The following DYNC1I1 variants were observed in gnomAD, a reference collection of about 807,000 sequenced individuals.
DYNC1I1 encodes cytoplasmic dynein 1 intermediate chain 1.
A neutral mutation model predicts 86.6 loss-of-function variants in DYNC1I1; 43 were observed. That is an observed-to-expected ratio of 0.50 (90% CI 0.39 to 0.64). The LOEUF (loss-of-function observed/expected upper bound fraction) is 0.64, where lower values mean the gene tolerates loss of function less well. Ranked by LOEUF, DYNC1I1 falls within the 30% of genes least tolerant of loss-of-function variation. The pLI is 0.00. For missense variants in DYNC1I1, 604 were observed against 788.8 expected (o/e 0.77, Z 2.81); for synonymous variants, 262 against 283.7 (o/e 0.92, Z 0.77).
At chr7:95,807,700 G>A (rs888824072) in intron 2 of DYNC1I1, among the ~76,000 whole-genome samples, 2 of 152,078 alleles carry the variant, frequency 1.3e-5, no homozygotes, top group Non-Finnish European at 2.9e-5. Context: ...TCACCTGGCT[G>A]TTAACTGCAT....
At chr7:95,847,724 GTC>G (rs1349785250) in intron 5 of DYNC1I1, among the ~76,000 whole-genome samples, 1 of 151,984 alleles carries the variant, frequency 6.6e-6, no homozygotes, top group Non-Finnish European at 1.5e-5. Context: ...TGAAAACCTT[GTC>G]TCTCAGACAT....
chr7:95,959,262 A>G (rs1792800544), intron 6 of DYNC1I1, among the ~76,000 whole-genome samples: 2 of 152,124 alleles, frequency 1.3e-5, no homozygotes, highest in African/African-American at 4.8e-5. Flanking sequence ...GGCACAGTGG[A>G]GATGCAATGG....
At chr7:95,824,271 G>T (rs1795156584) in intron 4 of DYNC1I1, among the ~76,000 whole-genome samples, 1 of 151,928 alleles carries the variant, frequency 6.6e-6, no homozygotes, top group Non-Finnish European at 1.5e-5. Flanking sequence ...GGGCTTACAG[G>T]CATGAGTTAC....
chr7:96,003,606 G>T (rs1032978939), intron 10 of DYNC1I1, among the ~76,000 whole-genome samples: 2 of 151,986 alleles, frequency 1.3e-5, no homozygotes, highest in African/African-American at 4.8e-5. Flanking sequence ...ATACCAGGTG[G>T]TCTGAAAGGA....
At chr7:95,980,283 G>A (rs1041063583) in intron 7 of DYNC1I1, among the ~76,000 whole-genome samples, 7 of 149,486 alleles carry the variant, frequency 4.7e-5, no homozygotes, top group Admixed American at 6.7e-5. Context: ...TTAAAAGGAT[G>A]TTTATGTTGG....
At chr7:95,900,904 G>A (rs368112454) in intron 6 of DYNC1I1, among the ~76,000 whole-genome samples, 3 of 152,136 alleles carry the variant, frequency 2.0e-5, no homozygotes, top group African/African-American at 7.2e-5. Flanking sequence ...TAAGTTGAGT[G>A]TATTTAATGA....
At chr7:95,878,572 A>G (rs1015012910) in intron 6 of DYNC1I1, among the ~76,000 whole-genome samples, 4 of 152,176 alleles carry the variant, frequency 2.6e-5, no homozygotes, top group Admixed American at 2.0e-4. Context: ...AAACTAAGAG[A>G]TCCTCAGAGA....
intron 3 of DYNC1I1, among the ~76,000 whole-genome samples, chr7:95,812,717 G>T (rs1794856570): frequency 6.6e-6 from 1 of 152,120 alleles, no homozygotes; most frequent in Non-Finnish European, 1.5e-5. Context: ...GGCTCTCATG[G>T]CAAACAGCTT....
chr7:96,016,836 A>G (rs540624168), intron 10 of DYNC1I1, among the ~76,000 whole-genome samples: 2 of 152,284 alleles, frequency 1.3e-5, no homozygotes, highest in African/African-American at 4.8e-5. Context: ...AATAAAAATA[A>G]ATTTAATTTG....
chr7:95,857,699 T>C (rs1424786414), intron 5 of DYNC1I1, among the ~76,000 whole-genome samples: 1 of 152,232 alleles, frequency 6.6e-6, no homozygotes, highest in Non-Finnish European at 1.5e-5. Flanking sequence ...TTTCAGGCAT[T>C]GTTTCCACCA....
At chr7:95,911,964 A>C (rs1212414733) in intron 6 of DYNC1I1, among the ~76,000 whole-genome samples, 2 of 152,158 alleles carry the variant, frequency 1.3e-5, no homozygotes, top group African/African-American at 4.8e-5. Context: ...ATTCCCAAGC[A>C]CTCAAATTTG....
chr7:95,790,680 A>C (rs1399728095), intron 1 of DYNC1I1, among the ~76,000 whole-genome samples: 1 of 152,244 alleles, frequency 6.6e-6, no homozygotes, highest in Non-Finnish European at 1.5e-5. Flanking sequence ...GAAAGAATAC[A>C]AGATAAGTAG....
chr7:96,037,350 T>C (rs1045072365), intron 13 of DYNC1I1, among the ~76,000 whole-genome samples: 4 of 152,184 alleles, frequency 2.6e-5, no homozygotes, highest in Non-Finnish European at 5.9e-5. Context: ...GCAAAGTGCA[T>C]TGTTAGGTTC....
At chr7:95,876,071 C>G (rs1790301579) in intron 6 of DYNC1I1, among the ~76,000 whole-genome samples, 1 of 152,160 alleles carries the variant, frequency 6.6e-6, no homozygotes, top group Admixed American at 6.5e-5. Flanking sequence ...CAGGGAGGCT[C>G]AGATGCCTAT....
intron 5 of DYNC1I1, among the ~76,000 whole-genome samples, chr7:95,857,311 A>G (rs1789751490): frequency 6.6e-6 from 1 of 152,198 alleles, no homozygotes; most frequent in South Asian, 2.1e-4. Context: ...TGGATCAAAG[A>G]GGTGGTATTT....
Position 96,021,889 on chromosome 7 carries a change from G to A in DYNC1I1, c.970-6286G>A, listed in dbSNP as rs544844105. 3.9e-5 allele frequency among the ~76,000 whole-genome samples: 6 copies of A among 152,150 alleles called. No individual in the cohort carries two copies. The South Asian group carries it at 6.2e-4, about 16-fold the overall frequency. Reference sequence around the variant, plus strand: ...CCATTGTATGGATTTACCACATTTCGTTTATTCATTCCTCAGTTGAGGGAC... The same window carrying A: ...CCATTGTATGGATTTACCACATTTCATTTATTCATTCCTCAGTTGAGGGAC... On this transcript the variant is annotated intron_variant, in intron 10 of 16. Coordinates refer to ENST00000447467, the MANE Select transcript of DYNC1I1 (RefSeq NM_001135556.2).
chr7:95,998,437 A>T (rs1176303278), intron 10 of DYNC1I1, among the ~76,000 whole-genome samples: 1 of 152,248 alleles, frequency 6.6e-6, no homozygotes, highest in Non-Finnish European at 1.5e-5. Context: ...ATGGAAATTT[A>T]GAGATCCCAC....
intron 1 of DYNC1I1, among the ~76,000 whole-genome samples, chr7:95,797,793 C>A (rs1207388328): frequency 6.6e-6 from 1 of 152,166 alleles, no homozygotes; most frequent in Non-Finnish European, 1.5e-5. Flanking sequence ...GATTACATAT[C>A]TGTGTGAGGC....
chr7:95,961,181 C>T (rs1298781473), intron 6 of DYNC1I1, among the ~76,000 whole-genome samples: 1 of 152,190 alleles, frequency 6.6e-6, no homozygotes, highest in Non-Finnish European at 1.5e-5. Flanking sequence ...ATTGGGGCTT[C>T]TCTTGGTCTC....
Sources: allele counts gnomAD v4.1 joint callset (sites outside exome capture counted in the v4.1 genomes callset), GRCh38; gene constraint gnomAD v4.1.1; transcripts MANE v1.5; gene names NCBI Gene and HGNC (gene_info 2026-07-23, HGNC 2026-07-21).